Variants in ADGRL3 observed in about 807,000 individuals in gnomAD.
ADGRL3 encodes the protein adhesion G protein-coupled receptor L3.
In ADGRL3, 62 loss-of-function variants were observed where a neutral mutation model predicts 153.5. The observed-to-expected ratio is 0.40, with a 90% confidence interval of 0.33 to 0.50. The LOEUF (loss-of-function observed/expected upper bound fraction) is 0.50. ADGRL3 is among the 20% of genes least tolerant of loss of function. The probability of loss-of-function intolerance (pLI) is 0.47; values close to 1 mark genes in which losing one functional copy is unlikely to be tolerated. For missense variants in ADGRL3, 1,641 were observed against 1,859.4 expected, an observed-to-expected ratio of 0.88 and a Z score of 2.16; for synonymous variants, 710 against 672.5, an observed-to-expected ratio of 1.06 and a Z score of -0.86.
At chr4:61,601,246 T>C (rs559877540) in intron 5 of ADGRL3, among the ~76,000 whole-genome samples, 76 of 152,208 alleles carry the variant, frequency 5.0e-4, no homozygotes, top group Non-Finnish European at 9.7e-4. Flanking sequence ...AGATACTTTG[T>C]TTCCTTTCAA....
intron 17 of ADGRL3, among the ~76,000 whole-genome samples, chr4:61,972,098 T>C (rs1398165157): frequency 6.6e-6 from 1 of 152,034 alleles, no homozygotes; most frequent in Non-Finnish European, 1.5e-5. Flanking sequence ...TTTCTCCCAT[T>C]TTGTAGGTTG....
chr4:61,774,589 G>A (rs2097126072), intron 8 of ADGRL3, among the ~76,000 whole-genome samples: 1 of 151,892 alleles, frequency 6.6e-6, no homozygotes, highest in South Asian at 2.1e-4. Context: ...AGGGACTTAA[G>A]CATCCACAGA....
chr4:61,751,549 C>T (rs1054228699), intron 8 of ADGRL3, among the ~76,000 whole-genome samples: 1 of 151,972 alleles, frequency 6.6e-6, no homozygotes, highest in African/African-American at 2.4e-5. Flanking sequence ...ATAATGCAGA[C>T]AAGCATACAG....
chr4:61,589,460 T>C (rs966272821), intron 5 of ADGRL3, among the ~76,000 whole-genome samples: 3 of 152,098 alleles, frequency 2.0e-5, no homozygotes, highest in African/African-American at 7.2e-5. Flanking sequence ...TGCTAATAAT[T>C]ACTACTTATG....
At chr4:61,300,909 C>T (rs1452824471) in intron 1 of ADGRL3, among the ~76,000 whole-genome samples, 1 of 151,798 alleles carries the variant, frequency 6.6e-6, no homozygotes, top group Non-Finnish European at 1.5e-5. Flanking sequence ...GGATTACAAG[C>T]GCCCACCACC....
At chr4:61,402,961 G>T (rs2096948408) in intron 2 of ADGRL3, among the ~76,000 whole-genome samples, 1 of 151,906 alleles carries the variant, frequency 6.6e-6, no homozygotes, top group Non-Finnish European at 1.5e-5. Flanking sequence ...GAGGCTAGAA[G>T]TCTCCCATTT....
chr4:61,216,773 G>T (rs898072220), intron 1 of ADGRL3, among the ~76,000 whole-genome samples: 1 of 152,154 alleles, frequency 6.6e-6, no homozygotes, highest in Non-Finnish European at 1.5e-5. Flanking sequence ...CACTGGAAAA[G>T]TTACTTCACT....
chr4:61,398,625 T>C (rs1211603970), intron 2 of ADGRL3, among the ~76,000 whole-genome samples: 2 of 151,624 alleles, frequency 1.3e-5, no homozygotes, highest in South Asian at 4.1e-4. Context: ...GACCATTCCA[T>C]CCTTTTGGCT....
chr4:62,041,434 A>G (rs1341283609), intron 24 of ADGRL3, among the ~76,000 whole-genome samples: 1 of 151,968 alleles, frequency 6.6e-6, no homozygotes, highest in Non-Finnish European at 1.5e-5. Context: ...GCTTTTTATT[A>G]TATAATATTT....
chr4:61,874,568 T>G (rs2098463078), intron 9 of ADGRL3, among the ~76,000 whole-genome samples: 2 of 150,336 alleles, frequency 1.3e-5, no homozygotes, highest in African/African-American at 4.9e-5. Flanking sequence ...CCTAGAAAAG[T>G]CATCTTTCTT....
At chr4:61,393,649 A>C (rs189363825) in intron 2 of ADGRL3, among the ~76,000 whole-genome samples, 2 of 152,202 alleles carry the variant, frequency 1.3e-5, no homozygotes, top group Non-Finnish European at 2.9e-5. Context: ...TTTCAAGCTT[A>C]TATACTTACA....
intron 8 of ADGRL3, among the ~76,000 whole-genome samples, chr4:61,798,415 A>G (rs1045881618): frequency 2.0e-5 from 3 of 152,110 alleles, no homozygotes; most frequent in South Asian, 4.1e-4. Flanking sequence ...TTACATACAC[A>G]TATGTTTCTG....
chr4:61,399,102 A>G (rs1475233642), intron 2 of ADGRL3, among the ~76,000 whole-genome samples: 1 of 151,804 alleles, frequency 6.6e-6, no homozygotes, highest in Admixed American at 6.6e-5. Context: ...AGTAGAAAGC[A>G]TATGGAAATG....
At position 61,497,306 on chromosome 4, in the gene ADGRL3, C is replaced by A. The variant is rs565098770; in HGVS notation, c.13C>A (p.Gln5Lys). 6.2e-6 allele frequency: 10 copies of A among 1,604,274 alleles called. No homozygotes were observed. In the South Asian group the frequency reaches 1.0e-4, roughly 16 times the overall value. Residue 5 changes from glutamine (Q) to lysine (K), a missense_variant, in exon 3 of 27, where the codon CAG (glutamine) becomes AAG (lysine). Transcript: ENST00000683033. Reference sequence around the variant, plus strand: ...TGAGTAGACAGCCATGTGGCCATCGCAGCTACTAATTTTCATGATGCTCTT... The same window carrying A: ...TGAGTAGACAGCCATGTGGCCATCGAAGCTACTAATTTTCATGATGCTCTT... MWPS[Q>K]LLIFMMLLAP...
chr4:61,717,196 A>ATGTG (rs780528173), intron 6 of ADGRL3, among the ~76,000 whole-genome samples: 17,084 of 106,756 alleles, frequency 0.16, 1,195 homozygotes, highest in East Asian at 0.31. Flanking sequence ...CACATAGTTT[A>ATGTG]TGTGTGTGTG....
chr4:61,422,305 C>G (rs2152343330), intron 2 of ADGRL3, among the ~76,000 whole-genome samples: 1 of 152,280 alleles, frequency 6.6e-6, no homozygotes, highest in East Asian at 1.9e-4. Context: ...ACTACAATAT[C>G]TTCCTTAAAA....
At chr4:61,830,914 C>G (rs533749236) in intron 9 of ADGRL3, among the ~76,000 whole-genome samples, 1 of 151,978 alleles carries the variant, frequency 6.6e-6, no homozygotes. Context: ...TTTTTTGAGA[C>G]AGTCTTGCTG....
chr4:61,601,237 G>A (rs1455579427), intron 5 of ADGRL3, among the ~76,000 whole-genome samples: 1 of 152,098 alleles, frequency 6.6e-6, no homozygotes, highest in African/African-American at 2.4e-5. Flanking sequence ...TTTCAATAAA[G>A]ATACTTTGTT....
chr4:61,307,369 A>C (rs886446242), intron 1 of ADGRL3, among the ~76,000 whole-genome samples: 1 of 152,172 alleles, frequency 6.6e-6, no homozygotes, highest in African/African-American at 2.4e-5. Flanking sequence ...ATTTTTTATC[A>C]CTATTTCACA....
Sources: gnomAD v4.1 joint callset for allele counts (sites outside exome capture counted in the v4.1 genomes callset) on GRCh38, gnomAD v4.1.1 for gene constraint, MANE v1.5 for transcripts, NCBI Gene and HGNC (gene_info 2026-07-23, HGNC 2026-07-21) for gene names.